The following FLVCR2 variants were observed in gnomAD, a reference collection of about 807,000 sequenced individuals.
FLVCR2 encodes choline/ethanolamine transporter FLVCR2.
A neutral mutation model predicts 48.9 loss-of-function variants in FLVCR2; 38 were observed. That is an observed-to-expected ratio of 0.78 (90% CI 0.60 to 1.02). FLVCR2 has a LOEUF of 1.02. Ranked by LOEUF, FLVCR2 falls within the 50% of genes least tolerant of loss-of-function variation. The probability of loss-of-function intolerance (pLI) is 0.00; values close to 1 mark genes in which losing one functional copy is unlikely to be tolerated. For missense variants in FLVCR2, 664 were observed against 663.3 expected, an observed-to-expected ratio of 1.00 and a Z score of -0.01; for synonymous variants, 255 against 257.0, an observed-to-expected ratio of 0.99 and a Z score of 0.07.
At chr14:75,582,489 CAT>C (rs1239380004) in intron 1 of FLVCR2, among the ~76,000 whole-genome samples, 1 of 152,102 alleles carries the variant, frequency 6.6e-6, no homozygotes, top group African/African-American at 2.4e-5. Flanking sequence ...GTGAGTTGAG[CAT>C]AGTTTGTGAT....
rs569525549 is a variant in FLVCR2 at position 75,643,962 on chromosome 14, C to T, written c.1509+2064C>T. 2.3e-4 allele frequency among the ~76,000 whole-genome samples: 34 copies of T among 150,652 alleles called. No homozygotes were observed. In the South Asian group the frequency reaches 5.8e-3, roughly 26 times the overall value. On this transcript the variant is annotated intron_variant, in intron 9 of 9. Transcript: ENST00000238667. ...TCGCACGCTTGTAATCCCAGCTACT[C>T]GGGAGGTGGAGGTTGCGGTAAGCTG...
chr14:75,586,079 G>T (rs188707891), intron 1 of FLVCR2, among the ~76,000 whole-genome samples: 1 of 152,284 alleles, frequency 6.6e-6, no homozygotes, highest in East Asian at 1.9e-4. Flanking sequence ...AATGTCTCAC[G>T]CATCCACGTG....
intron 5 of FLVCR2, 105 bp downstream of exon 5, chr14:75,635,118 C>A: frequency 1.3e-6 from 1 of 773,928 alleles, no homozygotes; most frequent in Non-Finnish European, 2.3e-6. Flanking sequence ...TCCTAGTGGC[C>A]AAGCAGGTCA....
At chr14:75,604,258 G>C (rs1339224207) in intron 1 of FLVCR2, 3 of 152,172 alleles carry the variant, frequency 2.0e-5, no homozygotes, top group African/African-American at 7.2e-5. Context: ...TACTTGGATG[G>C]GAGAATACTG....
intron 2 of FLVCR2, 87 bp from the exon 3 acceptor site, chr14:75,624,525 G>A (rs1889848189): frequency 6.8e-7 from 1 of 1,467,660 alleles, no homozygotes; most frequent in South Asian, 1.1e-5. Flanking sequence ...CCTCTCAGAT[G>A]ATGGAGCAGC....
intron 5 of FLVCR2, among the ~76,000 whole-genome samples, chr14:75,636,467 C>T (rs1022837032): frequency 2.6e-5 from 4 of 152,152 alleles, no homozygotes; most frequent in South Asian, 2.1e-4. Context: ...ACCCTTTTTC[C>T]GGGGCTTGCT....
At chr14:75,645,164 A>C (rs1890392848) in intron 9 of FLVCR2, among the ~76,000 whole-genome samples, 1 of 151,906 alleles carries the variant, frequency 6.6e-6, no homozygotes, top group Non-Finnish European at 1.5e-5. Context: ...ACTTGATGCC[A>C]AGTGTTAGCA....
intron 3 of FLVCR2, among the ~76,000 whole-genome samples, chr14:75,627,725 A>G (rs1013105443): frequency 3.3e-5 from 5 of 152,214 alleles, no homozygotes; most frequent in Admixed American, 6.5e-5. Flanking sequence ...AAAACAGTCA[A>G]TGGCACTGCT....
chr14:75,640,994 T>G lies in FLVCR2; in HGVS notation c.1275T>G (p.Phe425Leu), dbSNP rs781273864. The G allele has an allele frequency of 1.2e-6, 2 of 1,614,172 alleles. No homozygotes were observed. The stretch of plus-strand genomic sequence containing the variant: ...GCTATCTCCCACTGGGATTTGAGTT[T>G]GCTGTGGAGCTCACGTACCCAGAAT... ...MTGYLPLGFEFAVELTYPESE... is the reference protein window; with the variant it reads ...MTGYLPLGFELAVELTYPESE... Residue 425 changes from phenylalanine to leucine, a missense_variant, in exon 7 of 10, where the codon TTT (phenylalanine) becomes TTG (leucine). Phe to Leu is a conservative substitution (Grantham distance 22). Transcript: ENST00000238667.
chr14:75,622,686 A>G (rs1889795292), intron 2 of FLVCR2, among the ~76,000 whole-genome samples: 1 of 152,190 alleles, frequency 6.6e-6, no homozygotes, highest in African/African-American at 2.4e-5. Context: ...CGTAAGTGGC[A>G]GAGATTGGAT....
chr14:75,623,480 T>G (rs532466188), intron 2 of FLVCR2, among the ~76,000 whole-genome samples: 1 of 152,296 alleles, frequency 6.6e-6, no homozygotes, highest in East Asian at 1.9e-4. Flanking sequence ...ACTTGAAAGT[T>G]CCACCTCACA....
chr14:75,645,896 C>T (rs985386379), intron 9 of FLVCR2, among the ~76,000 whole-genome samples: 2 of 127,258 alleles, frequency 1.6e-5, no homozygotes, highest in Non-Finnish European at 3.1e-5. Flanking sequence ...CCAGCCTAGG[C>T]AGCAAAGTGA....
intron 1 of FLVCR2, among the ~76,000 whole-genome samples, chr14:75,610,002 T>G (rs1889398717): frequency 6.6e-6 from 1 of 152,184 alleles, no homozygotes; most frequent in Non-Finnish European, 1.5e-5. Context: ...GGGCAATCAG[T>G]GCCAAAGCAT....
intron 1 of FLVCR2, among the ~76,000 whole-genome samples, chr14:75,608,586 C>T (rs1889357645): frequency 6.6e-6 from 1 of 152,146 alleles, no homozygotes; most frequent in Non-Finnish European, 1.5e-5. Flanking sequence ...CATGGTGGTC[C>T]TGGCCCTACC....
chr14:75,633,761 G>A (rs1594813106), intron 4 of FLVCR2, 65 bp downstream of exon 4: 1 of 1,208,920 alleles, frequency 8.3e-7, no homozygotes, highest in Admixed American at 1.7e-5. Flanking sequence ...GTCTTGGCAG[G>A]ACCTGGGATG....
In FLVCR2 at chr14:75,579,348, C is replaced by T. The variant is rs8011292; in HGVS notation, c.376C>T (p.Leu126=). 0.17 allele frequency: 266,763 copies of T among 1,614,120 alleles called. 22,932 individuals carry two copies. The highest frequency in any genetic ancestry group is 0.22 in the South Asian group (20,117 of 91,072). The part of the protein sequence containing the change: ...YGVSAFAIDW[L]SMCYMLTYIP... ...TGTCAGTGCCTTTGCCATTGACTGGCTGTCCATGTGCTACATGCTGACTTA... is the reference window on the plus strand; with the variant it reads ...TGTCAGTGCCTTTGCCATTGACTGGTTGTCCATGTGCTACATGCTGACTTA... The change falls in exon 1 of 10, where the codon CTG becomes TTG. Residue 126 remains leucine (L), a synonymous_variant. Coordinates refer to ENST00000238667, the MANE Select transcript of FLVCR2 (RefSeq NM_017791.3).
chr14:75,579,179 C>T lies in FLVCR2; in HGVS notation c.207C>T (p.Ser69=). The T allele has an allele frequency of 6.2e-7, 1 of 1,614,154 alleles. No individual in the cohort carries two copies. Among genetic ancestry groups the T allele is most frequent in the Non-Finnish European group, 8.5e-7 (1 of 1,180,018 alleles). Residue 69 remains serine (S), a synonymous_variant, in exon 1 of 10, where the codon AGC becomes AGT. Coordinates refer to ENST00000238667, the MANE Select transcript of FLVCR2 (RefSeq NM_017791.3). Reference sequence around the variant, plus strand: ...CCAGTGGCTTGGCTCACCCCAGTAGCTCGGGCCCTGAGGACCTCAGCGTGA... The same window carrying T: ...CCAGTGGCTTGGCTCACCCCAGTAGTTCGGGCCCTGAGGACCTCAGCGTGA... ...AQPSGLAHPS[S]SGPEDLSVIK...
Position 75,579,241 on chromosome 14 carries a change from T to TG in FLVCR2, c.270dup (p.Phe91ValfsTer2), listed in dbSNP as rs1349344703. 4.3e-6 allele frequency: 7 copies of TG among 1,614,192 alleles called. No homozygotes were observed. The highest frequency in any genetic ancestry group is 5.9e-6 in the Non-Finnish European group (7 of 1,180,028). ...AGGCGCCGTTGGGCCGTGGTCCTGG[T>TG]GTTTAGCTGCTACTCCATGTGCAAC... On this transcript the variant is annotated frameshift_variant, in exon 1 of 10. Transcript: ENST00000238667. LOFTEE classifies it high-confidence loss of function.
Position 75,641,067 on chromosome 14 carries a change from C to A in FLVCR2, c.1341+7C>A. 1 of 1,607,084 alleles carries A rather than the reference C, an allele frequency of 6.2e-7. No homozygotes were observed. The highest frequency in any genetic ancestry group is 8.5e-7 in the Non-Finnish European group (1 of 1,173,556). On this transcript the variant is annotated splice_region_variant and intron_variant, in intron 7 of 9. Coordinates refer to ENST00000238667, the MANE Select transcript of FLVCR2 (RefSeq NM_017791.3). ...CCTCAACATATCTGCACAGGTAGAG[C>A]TCGTATTTCCTGTTTGTTTCCTGGC...
Sources: gnomAD v4.1 joint callset for allele counts (sites outside exome capture counted in the v4.1 genomes callset) on GRCh38, gnomAD v4.1.1 for gene constraint, MANE v1.5 for transcripts, NCBI Gene and HGNC (gene_info 2026-07-23, HGNC 2026-07-21) for gene names.